NBPF3: variants seen among roughly 807,000 people sequenced by gnomAD.
The protein encoded by NBPF3 is NBPF family member NBPF3.
NBPF3 carries 57 observed loss-of-function variants against 78.1 expected under a neutral mutation model. The observed-to-expected ratio is 0.73, with a 90% CI of 0.59 to 0.91. The LOEUF (loss-of-function observed/expected upper bound fraction) is 0.91, where lower values mean the gene tolerates loss of function less well. Among genes scored for constraint, NBPF3 ranks in the 40% least tolerant of loss-of-function variants. The probability of loss-of-function intolerance (pLI) is 0.00; values close to 1 mark genes in which losing one functional copy is unlikely to be tolerated. For missense variants in NBPF3, 510 were observed against 715.3 expected (o/e 0.71, Z 3.27); for synonymous variants, 182 against 271.7 (o/e 0.67, Z 3.25).
At chr1:21,475,424 C>CT (rs1383498949) in intron 8 of NBPF3, among the ~76,000 whole-genome samples, 1 of 152,224 alleles carries the variant, frequency 6.6e-6, no homozygotes, top group African/African-American at 2.4e-5. Flanking sequence ...CTCCACACTG[C>CT]TTTAAATGTG....
rs540671444 is a variant in NBPF3 at position 21,458,636 on chromosome 1, A to G, written c.134-10052A>G. 3.3e-5 allele frequency among the ~76,000 whole-genome samples: 5 copies of G among 152,332 alleles called. No individual in the cohort carries two copies. The East Asian group carries it at 9.6e-4, about 29-fold the overall frequency. On this transcript the variant is annotated intron_variant, in intron 2 of 14. Transcript: ENST00000318249. ...AAATACTCATATGGATGGATTTTAAAATTATGTTGATGCATGAAAGAAGGC... is the reference window on the plus strand; with the variant it reads ...AAATACTCATATGGATGGATTTTAAGATTATGTTGATGCATGAAAGAAGGC...
At position 21,473,548 on chromosome 1, in the gene NBPF3, T is replaced by C. The variant is rs1293459369; in HGVS notation, c.903T>C (p.Ser301=). 5.6e-6 allele frequency: 9 copies of C among 1,614,042 alleles called. No individual in the cohort carries two copies. Among genetic ancestry groups the C allele is most frequent in the Non-Finnish European group, 7.6e-6 (9 of 1,179,992 alleles). ...ACTCAACTCTCATTGACTCATCCTC[T>C]CATGATGAATGGTTGGATGCTGTAT... ...QVDSTLIDSS[S]HDEWLDAVCI... Residue 301 remains serine, a synonymous_variant, in exon 7 of 15, where the codon TCT becomes TCC. Coordinates refer to ENST00000318249, the MANE Select transcript of NBPF3 (RefSeq NM_032264.6).
upstream of NBPF3, among the ~76,000 whole-genome samples, chr1:21,438,194 C>T (rs574943324): frequency 2.7e-5 from 4 of 150,868 alleles, no homozygotes; most frequent in South Asian, 8.5e-4. Context: ...CTCACTGCAA[C>T]CTCCGCCTCC....
chr1:21,473,251 A>C (rs1047435452), intron 6 of NBPF3, 129 bp from the exon 7 acceptor site: 2 of 1,164,900 alleles, frequency 1.7e-6, no homozygotes, highest in Admixed American at 3.5e-5. Context: ...TTCCCTCTTA[A>C]AGGGATCCTC....
At chr1:21,455,121 TCGC>T (rs1483274159) in intron 2 of NBPF3, among the ~76,000 whole-genome samples, 10 of 152,170 alleles carry the variant, frequency 6.6e-5, no homozygotes, top group South Asian at 2.1e-4. Flanking sequence ...CAGAGGAGGA[TCGC>T]CCTGCATGGA....
upstream of NBPF3, chr1:21,437,359 G>A: frequency 1.8e-6 from 1 of 563,042 alleles, no homozygotes. Context: ...CCAGGGAGGT[G>A]AGGGCTCAGA....
intron 2 of NBPF3, among the ~76,000 whole-genome samples, chr1:21,452,742 C>T: frequency 6.6e-6 from 1 of 152,318 alleles, no homozygotes; most frequent in African/African-American, 2.4e-5. Flanking sequence ...ACCATGTGGT[C>T]TCTTGTTCCC....
At chr1:21,455,371 G>A (rs953656119) in intron 2 of NBPF3, among the ~76,000 whole-genome samples, 1 of 152,212 alleles carries the variant, frequency 6.6e-6, no homozygotes, top group Non-Finnish European at 1.5e-5. Flanking sequence ...AAAGATCACT[G>A]AGGGTCATCT....
intron 2 of NBPF3, among the ~76,000 whole-genome samples, chr1:21,445,827 C>A (rs1640938319): frequency 6.6e-6 from 1 of 152,160 alleles, no homozygotes; most frequent in Non-Finnish European, 1.5e-5. Context: ...CAGTGGAATT[C>A]TTGGTTTCCC....
chr1:21,476,006 G>A lies in NBPF3; in HGVS notation c.992+1055G>A, dbSNP rs1201081293. Among the ~76,000 whole-genome samples the A allele has an allele frequency of 6.6e-6, 1 of 152,144 alleles. No homozygotes were observed. The highest frequency in any genetic ancestry group is 2.4e-5 in the African/African-American group (1 of 41,434). On this transcript the variant is annotated intron_variant, in intron 8 of 14. Transcript: ENST00000318249. This position sits in a 1 kb window ranked among gnomAD's most constrained non-coding sequence, Gnocchi z 4.1. The stretch of plus-strand genomic sequence containing the variant: ...GATAGTTAGCTTTTCATGTTGAATT[G>A]ATCCCTTTGCAATTATGTAATGGCC...
Position 21,468,742 on chromosome 1 carries a change from C to G in NBPF3, c.188C>G (p.Pro63Arg), listed in dbSNP as rs1358984411. The G allele has an allele frequency of 6.2e-7, 1 of 1,613,626 alleles. No individual in the cohort carries two copies. The highest frequency in any genetic ancestry group is 1.1e-5 in the South Asian group (1 of 91,068). ...GTCAGCATGGTGGTATCTGCCGGCC[C>G]TTGGTCCGGTGAGAAGGCAGAGATG... is the stretch of plus-strand genomic sequence containing the variant. ...TNVSMVVSAG[P>R]WSGEKAEMNI... is the part of the protein sequence containing the mutation. The change falls in exon 3 of 15, where the codon CCT (proline) becomes CGT (arginine). Residue 63 changes from proline (P) to arginine (R), a missense_variant. By Grantham distance (103) the Pro-to-Arg change is moderately radical. Coordinates refer to ENST00000318249, the MANE Select transcript of NBPF3 (RefSeq NM_032264.6).
intron 2 of NBPF3, among the ~76,000 whole-genome samples, chr1:21,462,580 A>G (rs1642012236): frequency 6.6e-6 from 1 of 152,232 alleles, no homozygotes; most frequent in African/African-American, 2.4e-5. Context: ...GGAATAGAAC[A>G]AAGACAAAAA....
chr1:21,462,379 T>C (rs1641999510), intron 2 of NBPF3, among the ~76,000 whole-genome samples: 1 of 152,188 alleles, frequency 6.6e-6, no homozygotes, highest in Non-Finnish European at 1.5e-5. Context: ...ATTATAATTA[T>C]ATTAAAATTT....
chr1:21,447,165 C>A (rs1428347986), intron 2 of NBPF3, among the ~76,000 whole-genome samples: 1 of 152,186 alleles, frequency 6.6e-6, no homozygotes, highest in African/African-American at 2.4e-5. Context: ...ACAGAGGGTT[C>A]TCCTAGGCTC....
At chr1:21,448,149 C>A (rs775414867) in intron 2 of NBPF3, among the ~76,000 whole-genome samples, 8 of 152,072 alleles carry the variant, frequency 5.3e-5, no homozygotes, top group Non-Finnish European at 8.8e-5. Flanking sequence ...TGAGGCTCAA[C>A]TTAATTTTTT....
chr1:21,465,065 G>C (rs1315732400), intron 2 of NBPF3, among the ~76,000 whole-genome samples: 1 of 150,004 alleles, frequency 6.7e-6, no homozygotes, highest in African/African-American at 2.5e-5. Context: ...AAAATATGAT[G>C]CTGGCTGCAT....
intron 1 of NBPF3, among the ~76,000 whole-genome samples, chr1:21,444,168 TACTA>T (rs1435971691): frequency 7.2e-5 from 11 of 152,176 alleles, no homozygotes; most frequent in Non-Finnish European, 1.5e-4. Context: ...TGAATGAACA[TACTA>T]ATACCATATT....
At chr1:21,478,917 G>A (rs1241564852) in intron 9 of NBPF3, among the ~76,000 whole-genome samples, 2 of 152,190 alleles carry the variant, frequency 1.3e-5, no homozygotes, top group Admixed American at 6.5e-5. Context: ...AGAACCAAGT[G>A]TCACTTTGAC....
intron 10 of NBPF3, 64 bp from the exon 11 acceptor site, chr1:21,479,987 C>A: frequency 1.2e-6 from 1 of 835,894 alleles, no homozygotes; most frequent in Non-Finnish European, 2.1e-6. Flanking sequence ...CCCATGAAAT[C>A]TAGCTGGGGC....
Sources: allele counts gnomAD v4.1 joint callset (sites outside exome capture counted in the v4.1 genomes callset), GRCh38; gene constraint gnomAD v4.1.1; non-coding constraint Gnocchi (gnomAD v3.1); transcripts MANE v1.5; gene names NCBI Gene and HGNC (gene_info 2026-07-23, HGNC 2026-07-21).